Variants in LIG3 observed in about 807,000 individuals in gnomAD.
LIG3 encodes the protein DNA ligase 3.
A neutral mutation model predicts 110.9 loss-of-function variants in LIG3; 58 were observed. The observed-to-expected ratio is 0.52, with a 90% CI of 0.42 to 0.65. The LOEUF (loss-of-function observed/expected upper bound fraction) is 0.65. Among genes scored for constraint, LIG3 ranks in the 30% least tolerant of loss-of-function variants. The pLI is 0.00. For missense variants in LIG3, 1,094 were observed against 1,273.8 expected (o/e 0.86, Z 2.15); for synonymous variants, 422 against 472.8 (o/e 0.89, Z 1.39).
In LIG3 at chr17:34,998,074, C is replaced by T. The variant is rs574222866; in HGVS notation, c.1912-145C>T. 1.5e-5 allele frequency: 10 copies of T among 681,436 alleles called. No homozygotes were observed. In the Admixed American group the frequency reaches 2.3e-4, roughly 16 times the overall value. 42.2% of individuals were successfully genotyped at this position (681,436 alleles called of 1,614,324 possible). On this transcript the variant is annotated intron_variant, in intron 12 of 19. Coordinates refer to ENST00000378526, the MANE Select transcript of LIG3 (RefSeq NM_013975.4). ...GCCCTCTGTTTGGGATGAGAAGCAACCTGCTTTCTAACCCTTTGTCCCTTA... is the reference window on the plus strand; with the variant it reads ...GCCCTCTGTTTGGGATGAGAAGCAATCTGCTTTCTAACCCTTTGTCCCTTA...
chr17:34,981,328 C>T (rs1220842836), intron 1 of LIG3, among the ~76,000 whole-genome samples: 1 of 152,226 alleles, frequency 6.6e-6, no homozygotes, highest in African/African-American at 2.4e-5. Context: ...TTCTGACCTC[C>T]TTTTATGGGT....
At chr17:34,995,912 C>T in intron 9 of LIG3, 152 bp from the exon 10 acceptor site, 3 of 890,578 alleles carry the variant, frequency 3.4e-6, no homozygotes, top group Non-Finnish European at 3.3e-6. Context: ...GTCCAGGTGG[C>T]TCGCAAGGCC....
downstream of LIG3, chr17:35,010,745 CA>C (rs59246535): frequency 1.2e-3 from 160 of 132,302 alleles, no homozygotes; most frequent in Non-Finnish European, 1.3e-3. Flanking sequence ...GAGTGAGACT[CA>C]AAAAAAAAAA....
intron 1 of LIG3, 87 bp from the exon 2 acceptor site, chr17:34,982,915 T>TA: frequency 9.8e-7 from 1 of 1,017,946 alleles, no homozygotes; most frequent in Middle Eastern, 2.1e-4. Flanking sequence ...ATGGACTATA[T>TA]AAGACGCTGG....
At chr17:34,981,550 C>A (rs908789196) in intron 1 of LIG3, 1 of 152,182 alleles carries the variant, frequency 6.6e-6, no homozygotes, top group Non-Finnish European at 1.5e-5. Context: ...TCCCAACTAC[C>A]CTGTGAGGTA....
chr17:34,983,553 G>C lies in LIG3; in HGVS notation c.547+1G>C. 6.2e-7 allele frequency: 1 copy of C among 1,610,564 alleles called. No homozygotes were observed. The highest frequency in any genetic ancestry group is 2.2e-5 in the East Asian group (1 of 44,872). ...GAACAGATAACCCAGCACATTGCAG[G>C]TAAGGTAGAGAACACTGCTTTCTCA... On this transcript the variant is annotated splice_donor_variant, in intron 2 of 19. Coordinates refer to ENST00000378526, the MANE Select transcript of LIG3 (RefSeq NM_013975.4). LOFTEE classifies it high-confidence loss of function.
At chr17:34,993,055 G>A (rs2090742700) in intron 8 of LIG3, among the ~76,000 whole-genome samples, 1 of 152,188 alleles carries the variant, frequency 6.6e-6, no homozygotes. Context: ...GATGTATTAA[G>A]TAACCCCTGA....
rs546856746 is a variant in LIG3, at chr17:34,991,259, G to A, written c.1041+145G>A. On this transcript the variant is annotated intron_variant, in intron 5 of 19. Transcript: ENST00000378526. ...CATTTGAGCAAGCTTCCGTTATAGG[G>A]GGAGCTGAATGTGAGGCTATAGCTC... The A allele has an allele frequency of 1.8e-5, 13 of 739,872 alleles. No homozygotes were observed. The African/African-American group carries it at 2.0e-4, about 11-fold the overall frequency. The allele number at this position is 739,872 out of a possible 1,614,324, so 45.8% of individuals were successfully genotyped here.
At position 35,006,708 on chromosome 17, in the gene LIG3, G is replaced by A. The variant is rs1174975155; in HGVS notation, c.*2202G>A. On this transcript the variant is annotated 3_prime_UTR_variant, in exon 20 of 20. Transcript: ENST00000378526. ...CATATGGTTGTAAACTGGCTGCCAT[G>A]TCCCAATCCTTCCAGCTCTTGAGGG... 1 of 152,250 alleles carries A rather than the reference G, an allele frequency of 6.6e-6. No homozygotes were observed. Among genetic ancestry groups the A allele is most frequent in the African/African-American group, 2.4e-5 (1 of 41,424 alleles). The allele number at this position is 152,250 out of a possible 1,614,324, so 9.4% of individuals were successfully genotyped here. A position where few individuals can be genotyped will look rare whatever the true frequency, so the allele number is the denominator to read the frequency against.
At chr17:35,003,852 C>A (rs2090871014) in intron 19 of LIG3, 1 of 175,966 alleles carries the variant, frequency 5.7e-6, no homozygotes, top group Non-Finnish European at 1.2e-5. Flanking sequence ...AGCCTGAAGT[C>A]CTTGAACCCA....
At chr17:34,988,770 A>G (rs2090686077) in intron 3 of LIG3, among the ~76,000 whole-genome samples, 1 of 152,180 alleles carries the variant, frequency 6.6e-6, no homozygotes, top group Non-Finnish European at 1.5e-5. Flanking sequence ...CTTTCTTAGT[A>G]GTGTCTTTGT....
At chr17:34,981,641 C>G (rs1465348595) in intron 1 of LIG3, 1 of 152,234 alleles carries the variant, frequency 6.6e-6, no homozygotes, top group East Asian at 1.9e-4. Flanking sequence ...AGTCAGTAAA[C>G]TGTACAGTCA....
rs3136018 is a variant in LIG3, at chr17:35,000,351, C to T, written c.2331+495C>T. On this transcript the variant is annotated intron_variant, in intron 16 of 19. Coordinates refer to ENST00000378526, the MANE Select transcript of LIG3 (RefSeq NM_013975.4). The stretch of plus-strand genomic sequence containing the variant: ...TCAGCTCACCACAACCTCCGCCTCC[C>T]GGGTTCAAGTGATTCTCCTGCTTCA... Among the ~76,000 whole-genome samples, 196 of 151,932 alleles carry T rather than the reference C, an allele frequency of 1.3e-3. 1 individual carries two copies. The highest frequency in any genetic ancestry group is 1.9e-3 in the Non-Finnish European group (129 of 67,922).
chr17:34,987,163 A>C (rs576813928), intron 3 of LIG3, among the ~76,000 whole-genome samples: 1 of 152,358 alleles, frequency 6.6e-6, no homozygotes, highest in Non-Finnish European at 1.5e-5. Flanking sequence ...ATATAGAATT[A>C]CTATTTCATA....
intron 14 of LIG3, 128 bp downstream of exon 14, chr17:34,998,855 G>T: frequency 8.1e-7 from 1 of 1,230,604 alleles, no homozygotes; most frequent in South Asian, 1.5e-5. Flanking sequence ...CTAGGATCTA[G>T]GGCCCCAAGC....
Position 34,992,541 on chromosome 17 carries a change from C to A in LIG3, c.1304C>A (p.Pro435His), listed in dbSNP as rs968078451. The A allele has an allele frequency of 6.2e-7, 1 of 1,604,802 alleles. No homozygotes were observed. The highest frequency in any genetic ancestry group is 1.1e-5 in the South Asian group (1 of 89,678). ...CTTGGCAGGTTAGACGCCCTTGACCCCAATGCCTATGAAGCCTTCAAAGCC... is the reference window on the plus strand; with the variant it reads ...CTTGGCAGGTTAGACGCCCTTGACCACAATGCCTATGAAGCCTTCAAAGCC... ...GAKHVLDALD[P>H]NAYEAFKASR... Residue 435 changes from proline to histidine, a missense_variant, in exon 8 of 20, where the codon CCC (proline) becomes CAC (histidine). Physicochemically the swap from Pro to His is moderately conservative, Grantham distance 77. Coordinates refer to ENST00000378526, the MANE Select transcript of LIG3 (RefSeq NM_013975.4).
At chr17:34,994,807 A>G (rs1340560278) in intron 9 of LIG3, among the ~76,000 whole-genome samples, 2 of 152,156 alleles carry the variant, frequency 1.3e-5, no homozygotes, top group African/African-American at 4.8e-5. Context: ...TTGGGCTGTC[A>G]TTCATTAATT....
intron 11 of LIG3, chr17:34,997,521 A>G (rs1597799467): frequency 3.7e-6 from 2 of 538,322 alleles, no homozygotes; most frequent in African/African-American, 1.9e-5. Context: ...AACTACAACT[A>G]TGAACTGGCT....
rs1299185344 is a variant in LIG3, at chr17:35,004,287, C to T, written c.2811C>T (p.Ile937=). 1 of 1,614,128 alleles carries T rather than the reference C, an allele frequency of 6.2e-7. No individual in the cohort carries two copies. Among genetic ancestry groups the T allele is most frequent in the South Asian group, 1.1e-5 (1 of 91,076 alleles). Residue 937 remains isoleucine, a synonymous_variant, in exon 20 of 20, where the codon ATC becomes ATT. Transcript: ENST00000378526. The stretch of plus-strand genomic sequence containing the variant: ...TGCATTTGCAGGTATTGCTGGACAT[C>T]TTCACTGGGGTGCGGCTTTACTTGC... ...TLCQTKVLLD[I]FTGVRLYLPP...
Sources: gnomAD v4.1 joint callset for allele counts (sites outside exome capture counted in the v4.1 genomes callset) on GRCh38, gnomAD v4.1.1 for gene constraint, MANE v1.5 for transcripts, NCBI Gene and HGNC (gene_info 2026-07-23, HGNC 2026-07-21) for gene names.